The following CDK14 variants were observed in gnomAD, a reference collection of about 807,000 sequenced individuals.
CDK14 encodes the protein cyclin-dependent kinase 14.
CDK14 carries 34 observed loss-of-function variants against 60.7 expected under a neutral mutation model. The ratio of observed to expected loss-of-function variants is 0.56; its 90% CI spans 0.43 to 0.75. The LOEUF (loss-of-function observed/expected upper bound fraction) is 0.75, where lower values mean the gene tolerates loss of function less well. CDK14 is among the 30% of genes least tolerant of loss of function. CDK14 has a pLI of 0.00. For missense variants in CDK14, 482 were observed against 564.1 expected (o/e 0.85, Z 1.47); for synonymous variants, 197 against 203.7 (o/e 0.97, Z 0.28).
At chr7:90,613,704 A>T (rs960598789) in intron 2 of CDK14, among the ~76,000 whole-genome samples, 1 of 151,884 alleles carries the variant, frequency 6.6e-6, no homozygotes, top group Non-Finnish European at 1.5e-5. Flanking sequence ...AAAAAAAAAT[A>T]AAAAAAGACG....
intron 10 of CDK14, among the ~76,000 whole-genome samples, chr7:91,015,695 T>C (rs1332517344): frequency 1.3e-5 from 2 of 151,716 alleles, no homozygotes; most frequent in East Asian, 3.9e-4. Context: ...GCCCGGCTAA[T>C]TTTTTGTATT....
rs1790522681 is a variant in CDK14 at position 90,848,013 on chromosome 7, G to A, written c.545-15162G>A. On this transcript the variant is annotated intron_variant, in intron 5 of 14. Coordinates refer to ENST00000380050, the MANE Select transcript of CDK14 (RefSeq NM_001287135.2). ...GGATTAATTTTATTCTGAGTTTCAT[G>A]CATTAATTAACGTTTATCTCTGCCT... is the stretch of plus-strand genomic sequence containing the variant. Among the ~76,000 whole-genome samples, 4 of 152,248 alleles carry A rather than the reference G, an allele frequency of 2.6e-5. No homozygotes were observed. The South Asian group carries it at 8.3e-4, about 32-fold the overall frequency.
chr7:91,200,523 G>A (rs185922090), intron 14 of CDK14, among the ~76,000 whole-genome samples: 2 of 152,192 alleles, frequency 1.3e-5, no homozygotes, highest in African/African-American at 4.8e-5. Flanking sequence ...AAACCTTCTT[G>A]ACATGGTACT....
chr7:90,896,623 T>C (rs967294533), intron 6 of CDK14, among the ~76,000 whole-genome samples: 9 of 152,182 alleles, frequency 5.9e-5, no homozygotes, highest in Non-Finnish European at 1.2e-4. Flanking sequence ...AGATGGTCCT[T>C]AAGTTGTTTG....
chr7:90,745,879 A>G (rs556367205), intron 3 of CDK14, among the ~76,000 whole-genome samples: 7 of 152,196 alleles, frequency 4.6e-5, no homozygotes, highest in Admixed American at 2.6e-4. Flanking sequence ...CTGTCAGCTT[A>G]TTTTATTTTC....
At chr7:90,689,051 C>T (rs770900555) in intron 2 of CDK14, among the ~76,000 whole-genome samples, 34 of 152,106 alleles carry the variant, frequency 2.2e-4, no homozygotes, top group Non-Finnish European at 3.8e-4. Context: ...TGTCCTCCAC[C>T]GCTCCTCCAC....
intron 2 of CDK14, among the ~76,000 whole-genome samples, chr7:90,661,351 G>C (rs1412981243): frequency 6.6e-6 from 1 of 152,162 alleles, no homozygotes; most frequent in Admixed American, 6.6e-5. Flanking sequence ...TTCATAGACA[G>C]CTTACGTAAA....
At chr7:90,949,520 A>T (rs1794194230) in intron 8 of CDK14, among the ~76,000 whole-genome samples, 2 of 152,120 alleles carry the variant, frequency 1.3e-5, no homozygotes, top group Non-Finnish European at 2.9e-5. Context: ...TATATTTTTT[A>T]AAAAATCTGT....
At chr7:90,801,638 A>G (rs957856824) in intron 5 of CDK14, among the ~76,000 whole-genome samples, 3 of 152,148 alleles carry the variant, frequency 2.0e-5, no homozygotes, top group Non-Finnish European at 4.4e-5. Flanking sequence ...CAAAGACAAA[A>G]TGTTCCAGGC....
chr7:90,816,947 G>A (rs1025227199), intron 5 of CDK14, among the ~76,000 whole-genome samples: 1 of 152,160 alleles, frequency 6.6e-6, no homozygotes, highest in Non-Finnish European at 1.5e-5. Context: ...AGTGAAAGTC[G>A]TATGAGTCAT....
At chr7:90,977,315 TA>T (rs1261705098) in intron 9 of CDK14, among the ~76,000 whole-genome samples, 1 of 152,124 alleles carries the variant, frequency 6.6e-6, no homozygotes, top group Non-Finnish European at 1.5e-5. Context: ...AAGAAGCCTT[TA>T]TTTGGGTGCT....
intron 9 of CDK14, among the ~76,000 whole-genome samples, chr7:90,970,252 C>T (rs1794884248): frequency 6.6e-6 from 1 of 152,166 alleles, no homozygotes; most frequent in Admixed American, 6.5e-5. Flanking sequence ...AGGTGTGAGC[C>T]ACTGTGCCTG....
At chr7:90,858,173 GA>G (rs1256706834) in intron 5 of CDK14, among the ~76,000 whole-genome samples, 1 of 152,114 alleles carries the variant, frequency 6.6e-6, no homozygotes, top group Non-Finnish European at 1.5e-5. Flanking sequence ...AATATAATAT[GA>G]AAAATGACTT....
intron 7 of CDK14, among the ~76,000 whole-genome samples, chr7:90,904,309 C>T (rs1792622113): frequency 6.6e-6 from 1 of 152,026 alleles, no homozygotes; most frequent in South Asian, 2.1e-4. Context: ...AAATGAGTAA[C>T]TTGGAGGAAG....
intron 14 of CDK14, among the ~76,000 whole-genome samples, chr7:91,174,991 A>G (rs1351021741): frequency 6.9e-6 from 1 of 145,782 alleles, no homozygotes; most frequent in Non-Finnish European, 1.5e-5. Context: ...GAGCAACTCC[A>G]AGACACATAA....
At chr7:91,193,274 A>G (rs1169049486) in intron 14 of CDK14, among the ~76,000 whole-genome samples, 1 of 152,228 alleles carries the variant, frequency 6.6e-6, no homozygotes, top group Non-Finnish European at 1.5e-5. Context: ...CAGAAGGCCT[A>G]TGAACCATTT....
chr7:90,792,387 G>A (rs1018799190), intron 5 of CDK14, among the ~76,000 whole-genome samples: 1 of 152,072 alleles, frequency 6.6e-6, no homozygotes. Flanking sequence ...TATATAAAAA[G>A]GATACTACAT....
chr7:91,034,006 T>A (rs1280766829), intron 10 of CDK14, among the ~76,000 whole-genome samples: 1 of 152,208 alleles, frequency 6.6e-6, no homozygotes, highest in Non-Finnish European at 1.5e-5. Flanking sequence ...TGTGCTACTT[T>A]CACTGCAGAA....
At chr7:90,708,048 C>T (rs1332110156) in intron 2 of CDK14, among the ~76,000 whole-genome samples, 6 of 152,006 alleles carry the variant, frequency 3.9e-5, no homozygotes, top group East Asian at 1.9e-4. Flanking sequence ...AAACATTGTA[C>T]GAATGTTAGG....
Sources: gnomAD v4.1 joint callset for allele counts (sites outside exome capture counted in the v4.1 genomes callset) on GRCh38, gnomAD v4.1.1 for gene constraint, MANE v1.5 for transcripts, NCBI Gene and HGNC (gene_info 2026-07-23, HGNC 2026-07-21) for gene names.